Variants in NCOR2 observed in about 807,000 individuals in gnomAD.
The protein encoded by NCOR2 is CTG repeat protein 26.
In NCOR2, 81 loss-of-function variants were observed where a neutral mutation model predicts 262.9. The observed-to-expected ratio is 0.31, with a 90% confidence interval of 0.26 to 0.37. The LOEUF is 0.37. Among genes scored for constraint, NCOR2 ranks in the 10% least tolerant of loss-of-function variants. The pLI is 1.00. For synonymous variants in NCOR2, 1,659 were observed against 1,559.3 expected, an observed-to-expected ratio of 1.06 and a Z score of -1.51; for missense variants, 3,385 against 3,621.4, an observed-to-expected ratio of 0.93 and a Z score of 1.68.
chr12:124,327,724 A>AGG (rs1348023772), intron 44 of NCOR2, 91 bp from the exon 47 acceptor site: 1 of 885,384 alleles, frequency 1.1e-6, no homozygotes, highest in East Asian at 2.6e-5. Context: ...GGAGAGAGAG[A>AGG]GGGAAGGAGG....
rs1365700079 is a variant in NCOR2 at position 124,432,709 on chromosome 12, G to A, written c.883-1922C>T. Among the ~76,000 whole-genome samples the A allele has an allele frequency of 6.6e-6, 1 of 152,156 alleles. No individual in the cohort carries two copies. Among genetic ancestry groups the A allele is most frequent in the Non-Finnish European group, 1.5e-5 (1 of 68,026 alleles). The stretch of plus-strand genomic sequence containing the variant: ...GGACCCCAGCAGCTCCCAGAGAGGG[G>A]GCTCTGCCTTCCCTCCAAGACAAGG... On this transcript the variant is annotated intron_variant, in intron 8 of 46. Coordinates refer to ENST00000405201, the Ensembl canonical transcript of NCOR2. The surrounding 1 kb of genome is among the most constrained non-coding windows in gnomAD (Gnocchi z 5.1).
At chr12:124,421,089 G>A (rs1219674744) in intron 12 of NCOR2, among the ~76,000 whole-genome samples, 3 of 152,270 alleles carry the variant, frequency 2.0e-5, no homozygotes, top group African/African-American at 7.2e-5. Context: ...GCTCAGCAAT[G>A]GCAGCCCGGC....
intron 3 of NCOR2, among the ~76,000 whole-genome samples, chr12:124,475,414 G>A (rs932926921): frequency 3.9e-5 from 6 of 152,290 alleles, no homozygotes; most frequent in African/African-American, 7.2e-5. Flanking sequence ...TCTCCATTAC[G>A]CAGAGGCAGA....
chr12:124,345,947 G>A (rs1029165057), intron 31 of NCOR2, among the ~76,000 whole-genome samples: 8 of 152,134 alleles, frequency 5.3e-5, no homozygotes, highest in African/African-American at 1.9e-4. Context: ...ACAGCTCCTC[G>A]TCCTCGTACC....
At chr12:124,476,749 C>G (rs2047119216) in intron 3 of NCOR2, among the ~76,000 whole-genome samples, 1 of 152,046 alleles carries the variant, frequency 6.6e-6, no homozygotes, top group African/African-American at 2.4e-5. Flanking sequence ...CAAAATTGCA[C>G]AAGTAAGTCC....
upstream of NCOR2, among the ~76,000 whole-genome samples, chr12:124,536,574 T>C (rs2051120936): frequency 6.6e-6 from 1 of 152,120 alleles, no homozygotes; most frequent in Non-Finnish European, 1.5e-5. Context: ...CCCAACGTCA[T>C]CAGTCCTTAA....
chr12:124,327,761 C>T, intron 44 of NCOR2, 128 bp from the exon 47 acceptor site: 1 of 650,092 alleles, frequency 1.5e-6, no homozygotes, highest in Non-Finnish European at 2.6e-6. Flanking sequence ...GAGAGAAATA[C>T]ACAGTGAGCA....
intron 1 of NCOR2, among the ~76,000 whole-genome samples, chr12:124,542,223 A>C (rs1410846883): frequency 3.9e-5 from 6 of 152,006 alleles, no homozygotes; most frequent in African/African-American, 1.5e-4. Flanking sequence ...CAGCCACAGG[A>C]ACAGGGCGGG....
In NCOR2 at chr12:124,558,073, G is replaced by A. The variant is rs180887383; in HGVS notation, c.-165+9235C>T. Among the ~76,000 whole-genome samples, 975 of 152,228 alleles carry A rather than the reference G, an allele frequency of 6.4e-3. 38 individuals are homozygous for A. The highest frequency in any genetic ancestry group is 1.3e-3 in the Non-Finnish European group (88 of 68,010). On this transcript the variant is annotated intron_variant, in intron 1 of 32. Coordinates refer to the NCOR2 transcript ENST00000458234. Reference sequence around the variant, plus strand: ...GGCTGGCACCAGGCAGGTTCCCATGGTCACCGAGACACTATAGCCACACTG... The same window carrying A: ...GGCTGGCACCAGGCAGGTTCCCATGATCACCGAGACACTATAGCCACACTG...
At chr12:124,355,041 G>C in intron 24 of NCOR2, 102 bp from the exon 27 acceptor site, 1 of 954,244 alleles carries the variant, frequency 1.0e-6, no homozygotes. Context: ...GTGGGTCAGA[G>C]GCTGGGGCTG....
At chr12:124,342,620 G>A (rs543642345) in intron 33 of NCOR2, among the ~76,000 whole-genome samples, 4 of 152,100 alleles carry the variant, frequency 2.6e-5, no homozygotes, top group Admixed American at 6.5e-5. Context: ...CGCCTGCCTC[G>A]GCCTCCCAAA....
intron 1 of NCOR2, among the ~76,000 whole-genome samples, chr12:124,506,841 C>G (rs1008288578): frequency 2.6e-5 from 4 of 152,194 alleles, no homozygotes; most frequent in Admixed American, 1.3e-4. Flanking sequence ...CACTTAACCC[C>G]GTGCCCCTGG....
At chr12:124,546,177 C>T (rs1028253019) in intron 1 of NCOR2, among the ~76,000 whole-genome samples, 8 of 152,174 alleles carry the variant, frequency 5.3e-5, no homozygotes. Context: ...TTAACCCTTC[C>T]GAGCCTGCCT....
At chr12:124,451,696 T>C (rs1223560060) in intron 6 of NCOR2, among the ~76,000 whole-genome samples, 1 of 152,068 alleles carries the variant, frequency 6.6e-6, no homozygotes, top group Non-Finnish European at 1.5e-5. Flanking sequence ...GTGTGAGTGA[T>C]CAGATGGAAC....
chr12:124,337,008 G>A (rs752895291), exon 38 of NCOR2: 1 of 1,509,080 alleles, frequency 6.6e-7, no homozygotes, highest in Non-Finnish European at 8.8e-7. Context: ...AGGAAGGCAT[G>A]GCCGGTGTCT....
At chr12:124,419,913 T>C (rs1362837804) in intron 13 of NCOR2, 44 bp downstream of exon 15, 2 of 1,562,914 alleles carry the variant, frequency 1.3e-6, no homozygotes, top group Non-Finnish European at 1.8e-6. Context: ...CCGCTGAGCA[T>C]GCAGGGAGCC....
chr12:124,416,390 C>T (rs1806914663), intron 13 of NCOR2, among the ~76,000 whole-genome samples: 1 of 152,236 alleles, frequency 6.6e-6, no homozygotes, highest in Admixed American at 6.5e-5. Flanking sequence ...GTCTCTCATG[C>T]TCCCTGCCTT....
At chr12:124,511,472 T>G (rs1027606296) in intron 1 of NCOR2, among the ~76,000 whole-genome samples, 1 of 152,162 alleles carries the variant, frequency 6.6e-6, no homozygotes, top group African/African-American at 2.4e-5. Flanking sequence ...GGGGGATGAG[T>G]GCAACCCGGG....
At chr12:124,516,205 T>C (rs1418097917) in intron 1 of NCOR2, among the ~76,000 whole-genome samples, 2 of 152,168 alleles carry the variant, frequency 1.3e-5, no homozygotes, top group African/African-American at 4.8e-5. Flanking sequence ...CCTGAGCCAG[T>C]CACTGGCCCA....
Sources: allele counts gnomAD v4.1 joint callset (sites outside exome capture counted in the v4.1 genomes callset), GRCh38; gene constraint gnomAD v4.1.1; non-coding constraint Gnocchi (gnomAD v3.1); transcripts MANE v1.5; gene names NCBI Gene and HGNC (gene_info 2026-07-23, HGNC 2026-07-21).